RAP1GAP2: variants seen among roughly 807,000 people sequenced by gnomAD.
RAP1GAP2 encodes the protein rap1 GTPase-activating protein 2.
A neutral mutation model predicts 95.0 loss-of-function variants in RAP1GAP2; 27 were observed. The observed-to-expected ratio is 0.28, with a 90% CI of 0.21 to 0.39. The LOEUF is 0.39. Ranked by LOEUF, RAP1GAP2 falls within the 10% of genes least tolerant of loss-of-function variation. The pLI, the probability that RAP1GAP2 is intolerant of heterozygous loss-of-function variation, is 1.00. For synonymous variants in RAP1GAP2, 373 were observed against 380.9 expected (o/e 0.98, Z 0.24); for missense variants, 771 against 970.0 (o/e 0.79, Z 2.72).
intron 3 of RAP1GAP2, among the ~76,000 whole-genome samples, chr17:2,934,615 T>C (rs764538060): frequency 8.5e-5 from 13 of 152,230 alleles, no homozygotes; most frequent in African/African-American, 1.2e-4. Context: ...TACAAATAAT[T>C]ACTGAGTGTC....
At chr17:2,928,107 T>TGA (rs1244147003) in intron 3 of RAP1GAP2, among the ~76,000 whole-genome samples, 3 of 152,024 alleles carry the variant, frequency 2.0e-5, no homozygotes, top group African/African-American at 7.3e-5. Context: ...CACCACTCCT[T>TGA]GAGAGAGGAA....
At chr17:2,802,667 C>T (rs1309787430) in intron 2 of RAP1GAP2, among the ~76,000 whole-genome samples, 1 of 151,948 alleles carries the variant, frequency 6.6e-6, no homozygotes, top group Admixed American at 6.6e-5. Context: ...GGCGAGATCG[C>T]ACCACAGCCT....
chr17:2,874,867 T>C (rs990382502), intron 2 of RAP1GAP2, among the ~76,000 whole-genome samples: 1 of 152,074 alleles, frequency 6.6e-6, no homozygotes, highest in Admixed American at 6.6e-5. Flanking sequence ...TGCCCTCAGT[T>C]TGGCATCCCT....
Position 2,762,983 on chromosome 17 carries a change from C to T in RAP1GAP2, c.50+7216C>T, listed in dbSNP as rs555658163. On this transcript the variant is annotated intron_variant, in intron 1 of 25. Transcript: ENST00000637138. The stretch of plus-strand genomic sequence containing the variant: ...GAGCCACCACACCCAGCTTTCTTGC[C>T]GAAGTTTGAGTGGCTGATAGTGATT... 3.9e-5 allele frequency among the ~76,000 whole-genome samples: 6 copies of T among 152,140 alleles called. No homozygotes were observed. In the East Asian group the frequency reaches 9.6e-4, roughly 24 times the overall value.
intron 19 of RAP1GAP2, among the ~76,000 whole-genome samples, chr17:3,021,076 G>T (rs1279473774): frequency 6.6e-6 from 1 of 152,160 alleles, no homozygotes; most frequent in Non-Finnish European, 1.5e-5. Context: ...CAGTACTTGT[G>T]CATATTTTTG....
At chr17:2,767,535 A>G (rs1304272119) in intron 1 of RAP1GAP2, among the ~76,000 whole-genome samples, 1 of 151,824 alleles carries the variant, frequency 6.6e-6, no homozygotes, top group Non-Finnish European at 1.5e-5. Context: ...CTACAGGTAA[A>G]GATAAGCGAG....
intron 3 of RAP1GAP2, among the ~76,000 whole-genome samples, chr17:2,927,330 T>G (rs1408406651): frequency 3.3e-5 from 5 of 151,996 alleles, no homozygotes; most frequent in Non-Finnish European, 7.4e-5. Context: ...ATTTTTTGTA[T>G]TTTTAGTAGA....
intron 2 of RAP1GAP2, among the ~76,000 whole-genome samples, chr17:2,835,603 T>C (rs2071094130): frequency 6.6e-6 from 1 of 152,328 alleles, no homozygotes; most frequent in East Asian, 1.9e-4. Context: ...TGGTGAACTG[T>C]ACTTCCAGCT....
intron 2 of RAP1GAP2, among the ~76,000 whole-genome samples, chr17:2,900,080 G>C (rs895736800): frequency 6.6e-6 from 1 of 152,192 alleles, no homozygotes; most frequent in African/African-American, 2.4e-5. Context: ...TGGGTGGATG[G>C]CTGGGAGCGG....
At chr17:2,818,772 G>C (rs1000207038) in intron 2 of RAP1GAP2, among the ~76,000 whole-genome samples, 7 of 152,188 alleles carry the variant, frequency 4.6e-5, no homozygotes, top group African/African-American at 1.4e-4. Flanking sequence ...CCTGGGTTCA[G>C]ATCTTGGCTC....
chr17:2,828,789 C>A (rs1048048276), intron 2 of RAP1GAP2, among the ~76,000 whole-genome samples: 5 of 152,092 alleles, frequency 3.3e-5, no homozygotes, highest in African/African-American at 4.8e-5. Flanking sequence ...CCTGGCTGTT[C>A]TCCTTCCCCA....
chr17:2,853,716 C>G (rs1044442520), intron 2 of RAP1GAP2, among the ~76,000 whole-genome samples: 1 of 145,870 alleles, frequency 6.9e-6, no homozygotes, highest in African/African-American at 2.5e-5. Flanking sequence ...AGCCGGGAGC[C>G]GCCGGCCCGG....
intron 2 of RAP1GAP2, among the ~76,000 whole-genome samples, chr17:2,861,438 C>G (rs9906534): frequency 8.2e-4 from 123 of 150,848 alleles, no homozygotes; most frequent in African/African-American, 2.6e-3. Flanking sequence ...CTCCTGGCTC[C>G]CCTAAGTAGA....
rs1392237601 is a variant in RAP1GAP2 at position 3,008,544 on chromosome 17, T to G, written c.1494+399T>G. 1.3e-5 allele frequency among the ~76,000 whole-genome samples: 2 copies of G among 152,176 alleles called. No homozygotes were observed. The highest frequency in any genetic ancestry group is 4.8e-5 in the African/African-American group (2 of 41,456). ...CGAGGACCACAGCCCTTACGGGTCT[T>G]CGTAGCTGCTGTGGGTGCCACAGTG... On this transcript the variant is annotated intron_variant, in intron 17 of 24. Coordinates refer to ENST00000254695, the MANE Select transcript of RAP1GAP2 (RefSeq NM_015085.5). This position sits in a 1 kb window ranked among gnomAD's most constrained non-coding sequence, Gnocchi z 4.2.
chr17:2,799,017 C>T (rs1386391898), intron 1 of RAP1GAP2, among the ~76,000 whole-genome samples: 1 of 152,196 alleles, frequency 6.6e-6, no homozygotes, highest in Non-Finnish European at 1.5e-5. Context: ...CCCCTTGTGT[C>T]AGTGGGGGAT....
In RAP1GAP2 at chr17:2,979,545, C is replaced by T. The variant is rs571529536; in HGVS notation, c.597-742C>T. ...GCAGTGGCACAATCTCGGCTCACTGCAACCCCCACTTCCTGGGTTCAAGCG... is the reference window on the plus strand; with the variant it reads ...GCAGTGGCACAATCTCGGCTCACTGTAACCCCCACTTCCTGGGTTCAAGCG... On this transcript the variant is annotated intron_variant, in intron 8 of 24. Coordinates refer to ENST00000254695, the MANE Select transcript of RAP1GAP2 (RefSeq NM_015085.5). Among the ~76,000 whole-genome samples the T allele has an allele frequency of 4.8e-5, 7 of 144,518 alleles. No homozygotes were observed. The South Asian group carries it at 1.6e-3, about 32-fold the overall frequency. 94.8% of individuals were successfully genotyped at this position (144,518 alleles called of 152,430 possible). A position where few individuals can be genotyped will look rare whatever the true frequency, so the allele number is the denominator to read the frequency against.
At chr17:2,919,042 G>C (rs959182593) in intron 3 of RAP1GAP2, among the ~76,000 whole-genome samples, 5 of 152,068 alleles carry the variant, frequency 3.3e-5, no homozygotes, top group Admixed American at 6.6e-5. Context: ...TTGTCAGGAC[G>C]CCCTGATTTC....
intron 1 of RAP1GAP2, among the ~76,000 whole-genome samples, chr17:2,781,059 G>C (rs1173163535): frequency 6.6e-6 from 1 of 152,214 alleles, no homozygotes; most frequent in East Asian, 1.9e-4. Context: ...GGCACCCAAG[G>C]CAGGTGTGAT....
chr17:2,832,289 T>C (rs947889577), intron 2 of RAP1GAP2, among the ~76,000 whole-genome samples: 3 of 150,436 alleles, frequency 2.0e-5, no homozygotes, highest in Admixed American at 6.7e-5. Context: ...CCGGGCGCGG[T>C]GGCTCATGCC....
Sources: allele counts gnomAD v4.1 joint callset (sites outside exome capture counted in the v4.1 genomes callset), GRCh38; gene constraint gnomAD v4.1.1; non-coding constraint Gnocchi (gnomAD v3.1); transcripts MANE v1.5; gene names NCBI Gene and HGNC (gene_info 2026-07-23, HGNC 2026-07-21).